CLCN5: variants seen among roughly 807,000 people sequenced by gnomAD.
CLCN5 encodes the protein Cl-/H+ antiporter 5.
A neutral mutation model predicts 54.0 loss-of-function variants in CLCN5; 17 were observed. The observed-to-expected ratio is 0.31, with a 90% CI of 0.22 to 0.47. The LOEUF is 0.47. CLCN5 is among the 20% of genes least tolerant of loss of function. The probability of loss-of-function intolerance (pLI) is 1.00; values close to 1 mark genes in which losing one functional copy is unlikely to be tolerated. For synonymous variants in CLCN5, 222 were observed against 233.0 expected, an observed-to-expected ratio of 0.95 and a Z score of 0.43; for missense variants, 448 against 646.7, an observed-to-expected ratio of 0.69 and a Z score of 3.33.
At chrX:50,032,706 C>T (rs1412526385) in intron 3 of CLCN5, among the ~76,000 whole-genome samples, 5 of 109,778 alleles carry the variant, frequency 4.6e-5, no homozygotes, top group South Asian at 3.8e-4. Context: ...TTTTGCTGTG[C>T]GGAAGCTCTT....
intron 3 of CLCN5, among the ~76,000 whole-genome samples, chrX:49,997,498 G>C (rs1228103878): frequency 9.1e-6 from 1 of 110,252 alleles, no homozygotes; most frequent in Non-Finnish European, 1.9e-5. Context: ...AATCCATTTT[G>C]TTACCTTCTT....
chrX:50,063,501 A>T (rs1419340520), intron 4 of CLCN5, among the ~76,000 whole-genome samples: 1 of 106,690 alleles, frequency 9.4e-6, no homozygotes, highest in African/African-American at 3.8e-5. Context: ...AGGAGCTGAA[A>T]TTGTGGCAAT....
chrX:49,931,088 G>A (rs782760747), intron 3 of CLCN5, among the ~76,000 whole-genome samples: 17 of 111,191 alleles, frequency 1.5e-4, no homozygotes, highest in African/African-American at 4.9e-4. Context: ...CTCTGGGGAC[G>A]GGACAGAGAA....
At chrX:49,972,411 T>C (rs188119749) in intron 3 of CLCN5, among the ~76,000 whole-genome samples, 3 of 111,514 alleles carry the variant, frequency 2.7e-5, no homozygotes, top group African/African-American at 9.8e-5. Context: ...CAATGGTACA[T>C]ACATGGGAGT....
intron 3 of CLCN5, among the ~76,000 whole-genome samples, chrX:49,945,057 T>C (rs1926618005): frequency 8.9e-6 from 1 of 111,962 alleles, no homozygotes; most frequent in Admixed American, 9.5e-5. Context: ...CTTTCTTATA[T>C]GTTTATGTTA....
chrX:50,040,125 T>G (rs1007601912), intron 3 of CLCN5, among the ~76,000 whole-genome samples: 1 of 112,444 alleles, frequency 8.9e-6, no homozygotes, highest in African/African-American at 3.2e-5. Flanking sequence ...TTAGGCCTGG[T>G]TCCCTAGAAG....
intron 3 of CLCN5, among the ~76,000 whole-genome samples, chrX:50,001,649 T>A (rs1929826106): frequency 1.2e-5 from 1 of 85,390 alleles, no homozygotes; most frequent in African/African-American, 4.7e-5. Context: ...CGATGTGTGA[T>A]GTTCCCCTTC....
chrX:50,079,802 A>G (rs1479516260), intron 7 of CLCN5, among the ~76,000 whole-genome samples: 1 of 110,730 alleles, frequency 9.0e-6, no homozygotes, highest in Non-Finnish European at 1.9e-5. Flanking sequence ...GGAGGAGGAA[A>G]TGGGGAGAAG....
rs782780162 is a variant in CLCN5, at chrX:49,999,169, AC to A, written c.17-43143del. 9.1e-5 allele frequency among the ~76,000 whole-genome samples: 10 copies of A among 110,322 alleles called. No individual in the cohort carries two copies. The South Asian group carries it at 3.9e-3, about 43-fold the overall frequency. On this transcript the variant is annotated intron_variant, in intron 3 of 14. Transcript: ENST00000376091. ...GTACAAGATGATGAGGCTCCTGATC[AC>A]CCCACGCCTCCTTAGACCTACGTCT... is the stretch of plus-strand genomic sequence containing the variant.
At chrX:50,002,521 C>T (rs1250020033) in intron 3 of CLCN5, among the ~76,000 whole-genome samples, 6 of 111,972 alleles carry the variant, frequency 5.4e-5, no homozygotes, top group Non-Finnish European at 7.5e-5. Context: ...AAATACATGT[C>T]TAATCTGACC....
chrX:49,965,411 A>G (rs998931349), intron 3 of CLCN5, among the ~76,000 whole-genome samples: 2 of 111,773 alleles, frequency 1.8e-5, no homozygotes, highest in Admixed American at 9.5e-5. Flanking sequence ...TTAAAATGGT[A>G]TTTTTTATTT....
rs782036109 is a variant in CLCN5 at position 50,094,201 on chromosome X, C to T, written c.*1982C>T. ...TTATCTTTAAAATAATCAAGGCAGT[C>T]GCTAGAGTTTCTCCTTGTGAATAGA... On this transcript the variant is annotated 3_prime_UTR_variant, in exon 15 of 15. Transcript: ENST00000376091. 2.7e-5 allele frequency: 3 copies of T among 111,526 alleles called. No individual in the cohort carries two copies. The highest frequency in any genetic ancestry group is 5.6e-5 in the Non-Finnish European group (3 of 53,107). The allele number at this position is 111,526 out of a possible 1,213,427, so 9.2% of individuals were successfully genotyped here.
rs1171986634 is a variant in CLCN5 at position 50,095,991 on chromosome X, A to G, written c.*3772A>G. ...AATCTTTGAACTTGAGTTTTTAATA[A>G]TGATAGCAAAGACAATGGTGAGAAC... is the stretch of plus-strand genomic sequence containing the variant. On this transcript the variant is annotated 3_prime_UTR_variant, in exon 15 of 15. Coordinates refer to ENST00000376091, the MANE Select transcript of CLCN5 (RefSeq NM_001127898.4). 1 of 111,947 alleles carries G rather than the reference A, an allele frequency of 8.9e-6. No homozygotes were observed. Among genetic ancestry groups the G allele is most frequent in the Non-Finnish European group, 1.9e-5 (1 of 53,262 alleles). 9.2% of individuals were successfully genotyped at this position (111,947 alleles called of 1,213,427 possible).
chrX:50,019,641 C>A (rs1273783146), intron 3 of CLCN5, among the ~76,000 whole-genome samples: 1 of 44,065 alleles, frequency 2.3e-5, no homozygotes, highest in Non-Finnish European at 4.0e-5. Flanking sequence ...CCCGACCCCA[C>A]CACAGTCCCC....
rs1557195897 is a variant in CLCN5 at position 50,097,770 on chromosome X, G to T, written c.*5551G>T. 8.9e-6 allele frequency: 1 copy of T among 111,735 alleles called. No individual in the cohort carries two copies. The highest frequency in any genetic ancestry group is 3.3e-5 in the African/African-American group (1 of 30,641). 9.2% of individuals were successfully genotyped at this position (111,735 alleles called of 1,213,427 possible). A position where few individuals can be genotyped will look rare whatever the true frequency, so the allele number is the denominator to read the frequency against. On this transcript the variant is annotated 3_prime_UTR_variant, in exon 15 of 15. Transcript: ENST00000376091. ...CGTCTGAGTTGATGGGACCAACAGGGCTTTGCTCCTCTGTGAGGGCCAAAG... is the reference window on the plus strand; with the variant it reads ...CGTCTGAGTTGATGGGACCAACAGGTCTTTGCTCCTCTGTGAGGGCCAAAG...
At chrX:50,091,508 T>C (rs7061598) in intron 14 of CLCN5, among the ~76,000 whole-genome samples, 1,755 of 111,962 alleles carry the variant, frequency 0.016, 31 homozygotes, top group African/African-American at 0.053. Flanking sequence ...CTGAAATTTC[T>C]AAATGGTGTA....
intron 4 of CLCN5, among the ~76,000 whole-genome samples, chrX:50,049,285 A>C (rs1557188081): frequency 8.9e-6 from 1 of 112,168 alleles, no homozygotes; most frequent in African/African-American, 3.2e-5. Flanking sequence ...TACAGTATTC[A>C]GTAGAATAAC....
chrX:50,019,473 T>C (rs1237577294), intron 3 of CLCN5, among the ~76,000 whole-genome samples: 157 of 91,142 alleles, frequency 1.7e-3, no homozygotes, highest in South Asian at 6.6e-3. Flanking sequence ...TTTTTCTTTT[T>C]TTTTTTTTTT....
intron 3 of CLCN5, chrX:50,003,128 A>G: frequency 2.6e-6 from 1 of 382,213 alleles, no homozygotes; most frequent in Non-Finnish European, 5.2e-6. Context: ...TGCACACAGT[A>G]TACAGGAGAG....
Sources: allele counts gnomAD v4.1 joint callset (sites outside exome capture counted in the v4.1 genomes callset), GRCh38; gene constraint gnomAD v4.1.1; transcripts MANE v1.5; gene names NCBI Gene and HGNC (gene_info 2026-07-23, HGNC 2026-07-21).